The following CERKL variants were observed in gnomAD, a reference collection of about 807,000 sequenced individuals.
CERKL encodes ceramide kinase-like protein.
CERKL carries 61 observed loss-of-function variants against 63.4 expected under a neutral mutation model. The observed-to-expected ratio is 0.96, with a 90% CI of 0.78 to 1.19. The LOEUF (loss-of-function observed/expected upper bound fraction) is 1.19, where lower values mean the gene tolerates loss of function less well. Ranked by LOEUF, CERKL falls within the 50% of genes most tolerant of loss-of-function variation. The pLI is 0.00. For synonymous variants in CERKL, 250 were observed against 230.5 expected (o/e 1.08, Z -0.77); for missense variants, 675 against 655.5 (o/e 1.03, Z -0.33).
intron 1 of CERKL, among the ~76,000 whole-genome samples, chr2:181,627,221 A>G (rs1450791270): frequency 6.6e-6 from 1 of 152,144 alleles, no homozygotes; most frequent in Non-Finnish European, 1.5e-5. Flanking sequence ...CGTCACGTGG[A>G]CCTTCACCAA....
chr2:181,592,627 C>T (rs187093076), intron 2 of CERKL, among the ~76,000 whole-genome samples: 20 of 152,278 alleles, frequency 1.3e-4, no homozygotes, highest in Admixed American at 9.2e-4. Context: ...AGCAACATTA[C>T]AGGCTATGGA....
chr2:181,615,062 T>A (rs1686132298), intron 1 of CERKL, among the ~76,000 whole-genome samples: 1 of 152,226 alleles, frequency 6.6e-6, no homozygotes, highest in Admixed American at 6.5e-5. Context: ...TTAACTGTCC[T>A]CTCACATTAC....
chr2:181,611,763 T>C (rs1350722901), intron 1 of CERKL, among the ~76,000 whole-genome samples: 1 of 152,224 alleles, frequency 6.6e-6, no homozygotes, highest in African/African-American at 2.4e-5. Context: ...TTTGTATATA[T>C]TTATAGAATA....
chr2:181,632,667 G>A (rs1687016927), intron 1 of CERKL, among the ~76,000 whole-genome samples: 1 of 152,180 alleles, frequency 6.6e-6, no homozygotes, highest in African/African-American at 2.4e-5. Context: ...GAGGAAAATT[G>A]TTAAAGAGTC....
chr2:181,650,653 G>A (rs1687888678), intron 1 of CERKL, among the ~76,000 whole-genome samples: 1 of 152,006 alleles, frequency 6.6e-6, no homozygotes, highest in Non-Finnish European at 1.5e-5. Flanking sequence ...AGCTACTCAG[G>A]AAGGCTGAGG....
chr2:181,542,069 G>A (rs1166141565), intron 11 of CERKL, among the ~76,000 whole-genome samples: 2 of 152,118 alleles, frequency 1.3e-5, no homozygotes, highest in African/African-American at 2.4e-5. Context: ...AGATGAGAGG[G>A]CTGCAAAGAA....
At chr2:181,583,176 T>C (rs779098017) in intron 2 of CERKL, among the ~76,000 whole-genome samples, 21 of 151,130 alleles carry the variant, frequency 1.4e-4, no homozygotes, top group Non-Finnish European at 2.8e-4. Context: ...AAAAAAAAGA[T>C]TGAATTAGAA....
At chr2:181,635,265 A>G (rs1687124110) in intron 1 of CERKL, among the ~76,000 whole-genome samples, 1 of 152,176 alleles carries the variant, frequency 6.6e-6, no homozygotes, top group African/African-American at 2.4e-5. Flanking sequence ...CAGGTGTGTT[A>G]TTAGTTCAGA....
intron 1 of CERKL, among the ~76,000 whole-genome samples, chr2:181,612,510 C>T (rs1375335909): frequency 2.0e-5 from 3 of 152,000 alleles, no homozygotes; most frequent in Non-Finnish European, 4.4e-5. Flanking sequence ...AAAGTATGTG[C>T]TTCTTTGTAT....
rs987502076 is a variant in CERKL, at chr2:181,558,158, C to A, written c.820+408G>T. ...TCAATTATGCAAGTTACCATATTCA[C>A]CTCATATGGAATTGTAAGCAGCTAG... On this transcript the variant is annotated intron_variant, in intron 5 of 12. Transcript: ENST00000410087. This position sits in a 1 kb window ranked among gnomAD's most constrained non-coding sequence, Gnocchi z 4.2. Among the ~76,000 whole-genome samples the A allele has an allele frequency of 6.6e-6, 1 of 152,158 alleles. No homozygotes were observed. The highest frequency in any genetic ancestry group is 1.9e-4 in the East Asian group (1 of 5,192).
In CERKL at chr2:181,537,641, AAAATG is replaced by A. The variant is rs1283306986; in HGVS notation, c.*538_*542del. The A allele has an allele frequency of 1.1e-5, 5 of 435,040 alleles. No individual in the cohort carries two copies. The highest frequency in any genetic ancestry group is 3.3e-5 in the South Asian group (2 of 59,792). The allele number at this position is 435,040 out of a possible 1,614,324, so 26.9% of individuals were successfully genotyped here. A position where few individuals can be genotyped will look rare whatever the true frequency, so the allele number is the denominator to read the frequency against. The stretch of plus-strand genomic sequence containing the variant: ...CATAATTGATGAGCTCAAATCCTGA[AAAATG>A]AAAGAATCCAAATTATTTCAGAATT... On this transcript the variant is annotated 3_prime_UTR_variant, in exon 13 of 13. Coordinates refer to ENST00000410087, the MANE Select transcript of CERKL (RefSeq NM_201548.5).
At chr2:181,573,628 T>A (rs1420851043) in intron 3 of CERKL, 125 bp downstream of exon 3, 1 of 718,996 alleles carries the variant, frequency 1.4e-6, no homozygotes, top group African/African-American at 1.8e-5. Context: ...CAGTAGGTTA[T>A]GAAGACGTAA....
At chr2:181,655,566 G>A (rs1246570079) in intron 1 of CERKL, among the ~76,000 whole-genome samples, 1 of 152,180 alleles carries the variant, frequency 6.6e-6, no homozygotes, top group African/African-American at 2.4e-5. Flanking sequence ...GACTGTTTTC[G>A]TGAAGCGAGC....
chr2:181,623,073 G>T (rs995176349), intron 1 of CERKL, among the ~76,000 whole-genome samples: 16 of 152,216 alleles, frequency 1.1e-4, no homozygotes, highest in Middle Eastern at 6.8e-3. Flanking sequence ...TAAAATTTCA[G>T]GTGATCCTCA....
intron 3 of CERKL, among the ~76,000 whole-genome samples, chr2:181,566,448 T>C (rs1306036632): frequency 6.6e-6 from 1 of 152,144 alleles, no homozygotes; most frequent in Admixed American, 6.6e-5. Flanking sequence ...ATCAGAGGCT[T>C]AGGAGGAGCA....
chr2:181,638,872 A>G (rs935086), intron 1 of CERKL, among the ~76,000 whole-genome samples: 91,222 of 152,030 alleles, frequency 0.6, 28,390 homozygotes, highest in East Asian at 0.8. Flanking sequence ...CCCTTCCCCA[A>G]CCTGCCTCAT....
intron 2 of CERKL, among the ~76,000 whole-genome samples, chr2:181,595,053 C>T (rs1685141705): frequency 6.6e-6 from 1 of 152,072 alleles, no homozygotes; most frequent in South Asian, 2.1e-4. Context: ...TTTTCAGTGA[C>T]AGAAGTTATT....
At chr2:181,597,120 T>TA (rs1300884640) in intron 2 of CERKL, among the ~76,000 whole-genome samples, 5 of 152,196 alleles carry the variant, frequency 3.3e-5, no homozygotes, top group Non-Finnish European at 7.3e-5. Context: ...CACCACTACT[T>TA]ACTAGAGTAG....
rs1243323969 is a variant in CERKL at position 181,578,605 on chromosome 2, G to A, written c.482-4721C>T. 2.6e-5 allele frequency among the ~76,000 whole-genome samples: 4 copies of A among 151,886 alleles called. No individual in the cohort carries two copies. In the East Asian group the frequency reaches 5.8e-4, roughly 22 times the overall value. ...GAACCACCATGTTTGTCCTTGTCTA[G>A]GAATATTCTATGCATATACAAAAAT... On this transcript the variant is annotated intron_variant, in intron 2 of 12. Coordinates refer to ENST00000410087, the MANE Select transcript of CERKL (RefSeq NM_201548.5).
Sources: gnomAD v4.1 joint callset for allele counts (sites outside exome capture counted in the v4.1 genomes callset) on GRCh38, gnomAD v4.1.1 for gene constraint, Gnocchi (gnomAD v3.1) non-coding constraint, MANE v1.5 for transcripts, NCBI Gene and HGNC (gene_info 2026-07-23, HGNC 2026-07-21) for gene names.